The following GPC6 variants were observed in gnomAD, a reference collection of about 807,000 sequenced individuals.
The protein encoded by GPC6 is glypican-6.
A neutral mutation model predicts 55.2 loss-of-function variants in GPC6; 14 were observed. The ratio of observed to expected loss-of-function variants is 0.25; its 90% CI spans 0.17 to 0.40. The LOEUF is 0.40. Ranked by LOEUF, GPC6 falls within the 10% of genes least tolerant of loss-of-function variation. GPC6 has a pLI of 1.00. For missense variants in GPC6, 641 were observed against 708.5 expected (o/e 0.90, Z 1.08); for synonymous variants, 278 against 259.6 (o/e 1.07, Z -0.68).
At chr13:94,041,853 A>G (rs1431649520) in intron 4 of GPC6, among the ~76,000 whole-genome samples, 2 of 151,874 alleles carry the variant, frequency 1.3e-5, no homozygotes, top group Non-Finnish European at 2.9e-5. Context: ...AATGATTTTC[A>G]ACTTACAAAA....
At chr13:93,915,625 C>T (rs1877249214) in intron 3 of GPC6, among the ~76,000 whole-genome samples, 1 of 152,184 alleles carries the variant, frequency 6.6e-6, no homozygotes, top group Non-Finnish European at 1.5e-5. Context: ...TGGCTGTATT[C>T]TGAGCAACCA....
chr13:94,189,565 C>T (rs187896484), intron 4 of GPC6, among the ~76,000 whole-genome samples: 6 of 152,322 alleles, frequency 3.9e-5, no homozygotes, highest in Admixed American at 1.3e-4. Flanking sequence ...AGATTCTGAA[C>T]ATAGGACACC....
intron 3 of GPC6, among the ~76,000 whole-genome samples, chr13:93,899,985 C>A (rs1025676135): frequency 6.6e-6 from 1 of 152,084 alleles, no homozygotes; most frequent in Non-Finnish European, 1.5e-5. Context: ...ATTGTCAAGT[C>A]TCTCCCAGCC....
chr13:94,281,927 C>T (rs1892395689), intron 4 of GPC6, among the ~76,000 whole-genome samples: 1 of 152,136 alleles, frequency 6.6e-6, no homozygotes, highest in Non-Finnish European at 1.5e-5. Flanking sequence ...TTGACCATCC[C>T]AATGTTTGTA....
Position 94,200,789 on chromosome 13 carries a change from A to G in GPC6, c.878-85560A>G, listed in dbSNP as rs558345147. Among the ~76,000 whole-genome samples the G allele has an allele frequency of 7.2e-5, 11 of 152,354 alleles. No individual in the cohort carries two copies. The South Asian group carries it at 2.3e-3, about 32-fold the overall frequency. On this transcript the variant is annotated intron_variant, in intron 4 of 8. Coordinates refer to ENST00000377047, the MANE Select transcript of GPC6 (RefSeq NM_005708.5). ...ATTGCTTGGAATTGAAGACTAACAAAGTTGAAATGCTTTTTGAGGTATTAT... is the reference window on the plus strand; with the variant it reads ...ATTGCTTGGAATTGAAGACTAACAAGGTTGAAATGCTTTTTGAGGTATTAT...
At chr13:94,389,556 G>A (rs1341634428) in intron 7 of GPC6, among the ~76,000 whole-genome samples, 1 of 152,104 alleles carries the variant, frequency 6.6e-6, no homozygotes, top group African/African-American at 2.4e-5. Flanking sequence ...TTAGAACATA[G>A]CCATGTTAAA....
At chr13:93,302,679 C>A (rs1878722109) in intron 1 of GPC6, among the ~76,000 whole-genome samples, 1 of 152,142 alleles carries the variant, frequency 6.6e-6, no homozygotes, top group Non-Finnish European at 1.5e-5. Context: ...ATCCACTTTT[C>A]AGTGTAGGTA....
intron 1 of GPC6, among the ~76,000 whole-genome samples, chr13:93,247,497 A>T (rs559135314): frequency 7.2e-5 from 11 of 152,158 alleles, no homozygotes; most frequent in Non-Finnish European, 1.3e-4. Flanking sequence ...AAAGGATTTT[A>T]TTATGCTTTT....
chr13:93,828,530 G>T (rs191449501), intron 2 of GPC6, among the ~76,000 whole-genome samples: 2 of 151,534 alleles, frequency 1.3e-5, no homozygotes, highest in East Asian at 1.9e-4. Flanking sequence ...TGCAAATTTC[G>T]CCCTATCTGC....
chr13:93,432,750 C>T (rs1462007540), intron 1 of GPC6, among the ~76,000 whole-genome samples: 3 of 152,092 alleles, frequency 2.0e-5, no homozygotes, highest in Non-Finnish European at 4.4e-5. Context: ...TGATATTTAT[C>T]TCTATTATTC....
chr13:93,248,015 G>C (rs536184022), intron 1 of GPC6, among the ~76,000 whole-genome samples: 1 of 152,234 alleles, frequency 6.6e-6, no homozygotes, highest in East Asian at 1.9e-4. Flanking sequence ...AACTGAATCA[G>C]TTACTCGGCC....
At chr13:93,657,007 G>T (rs889408176) in intron 2 of GPC6, among the ~76,000 whole-genome samples, 2 of 151,994 alleles carry the variant, frequency 1.3e-5, no homozygotes, top group Non-Finnish European at 2.9e-5. Context: ...AATCAATATG[G>T]TTAAAATGTC....
intron 2 of GPC6, among the ~76,000 whole-genome samples, chr13:93,704,062 G>GCA (rs1224811120): frequency 2.0e-5 from 3 of 151,988 alleles, no homozygotes; most frequent in African/African-American, 7.2e-5. Flanking sequence ...TTTTAAAAAG[G>GCA]CATTATCCCT....
intron 2 of GPC6, among the ~76,000 whole-genome samples, chr13:93,645,352 G>A (rs1880131137): frequency 6.6e-6 from 1 of 151,796 alleles, no homozygotes; most frequent in African/African-American, 2.4e-5. Context: ...TGCAGTAGGT[G>A]GATTCTGAAA....
chr13:93,930,018 T>C lies in GPC6; in HGVS notation c.712-97711T>C, dbSNP rs1287902779. ...AGATTCATTGTACCACTTTCTCCTT[T>C]TGTTGATGTTTTCAAACTTTTTAAT... is the stretch of plus-strand genomic sequence containing the variant. On this transcript the variant is annotated intron_variant, in intron 3 of 8. Coordinates refer to ENST00000377047, the MANE Select transcript of GPC6 (RefSeq NM_005708.5). 2.6e-5 allele frequency among the ~76,000 whole-genome samples: 4 copies of C among 152,194 alleles called. No individual in the cohort carries two copies. In the East Asian group the frequency reaches 7.7e-4, roughly 29 times the overall value.
chr13:94,380,079 G>A (rs7336321), intron 6 of GPC6, among the ~76,000 whole-genome samples: 150,614 of 152,316 alleles, frequency 0.99, 74,471 homozygotes, highest in Middle Eastern at 1. Context: ...CACCTGTGGG[G>A]CGGCATGCAA....
intron 3 of GPC6, among the ~76,000 whole-genome samples, chr13:93,937,635 G>A (rs1878502166): frequency 6.6e-6 from 1 of 152,114 alleles, no homozygotes; most frequent in African/African-American, 2.4e-5. Context: ...CTGGAGTGCA[G>A]TGACTTCATC....
At chr13:93,316,818 G>A (rs1594092283) in intron 1 of GPC6, among the ~76,000 whole-genome samples, 1 of 151,952 alleles carries the variant, frequency 6.6e-6, no homozygotes, top group African/African-American at 2.4e-5. Flanking sequence ...AGGAACTCAC[G>A]GATTAAATGT....
At chr13:94,087,884 G>A (rs975248173) in intron 4 of GPC6, among the ~76,000 whole-genome samples, 4 of 152,190 alleles carry the variant, frequency 2.6e-5, no homozygotes, top group African/African-American at 7.2e-5. Flanking sequence ...GTATCCTTTG[G>A]AGAAGCACTG....
Sources: allele counts gnomAD v4.1 joint callset (sites outside exome capture counted in the v4.1 genomes callset), GRCh38; gene constraint gnomAD v4.1.1; transcripts MANE v1.5; gene names NCBI Gene and HGNC (gene_info 2026-07-23, HGNC 2026-07-21).